The following HDAC1 variants were observed in gnomAD, a reference collection of about 807,000 sequenced individuals.
HDAC1 encodes protein deacetylase HDAC1.
Under a neutral mutation model 65.5 loss-of-function variants are expected in HDAC1, and 18 were observed. The observed-to-expected ratio is 0.27, with a 90% confidence interval of 0.19 to 0.41. The LOEUF (loss-of-function observed/expected upper bound fraction) is 0.41. HDAC1 is among the 10% of genes least tolerant of loss of function. The probability of loss-of-function intolerance (pLI) is 1.00; values close to 1 mark genes in which losing one functional copy is unlikely to be tolerated. For synonymous variants in HDAC1, 211 were observed against 227.9 expected, an observed-to-expected ratio of 0.93 and a Z score of 0.67; for missense variants, 373 against 625.2, an observed-to-expected ratio of 0.60 and a Z score of 4.30.
At chr1:32,300,571 AAAAAG>A (rs1240131610) in intron 1 of HDAC1, among the ~76,000 whole-genome samples, 1 of 152,208 alleles carries the variant, frequency 6.6e-6, no homozygotes, top group Non-Finnish European at 1.5e-5. Context: ...AAATAAAAAA[AAAAAG>A]AAAAGAAAAC....
chr1:32,308,486 G>A (rs1012391638), intron 2 of HDAC1, among the ~76,000 whole-genome samples: 3 of 152,060 alleles, frequency 2.0e-5, no homozygotes, highest in African/African-American at 4.8e-5. Context: ...TTTAATTTGT[G>A]TATGGGTTTT....
chr1:32,299,935 G>A (rs985778484), intron 1 of HDAC1, among the ~76,000 whole-genome samples: 2 of 152,162 alleles, frequency 1.3e-5, no homozygotes, highest in African/African-American at 4.8e-5. Flanking sequence ...GCAGGCATCT[G>A]TAGTCCCAGC....
In HDAC1 at chr1:32,327,659, A is replaced by C; in HGVS notation, c.618A>C (p.Pro206=). 5 of 1,614,202 alleles carry C rather than the reference A, an allele frequency of 3.1e-6. No homozygotes were observed. Among genetic ancestry groups the C allele is most frequent in the Non-Finnish European group, 4.2e-6 (5 of 1,180,012 alleles). The change falls in exon 6 of 14, where the codon CCA becomes CCC. Residue 206 remains proline (P), a synonymous_variant. Transcript: ENST00000373548. The surrounding 1 kb of genome is among the most constrained non-coding windows in gnomAD (Gnocchi z 6.0). ...TTCATAAGTATGGAGAGTACTTCCC[A>C]GGAACTGGGGACCTACGGGTGAGAA... The part of the protein sequence containing the change: ...VSFHKYGEYF[P]GTGDLRDIGA...
At chr1:32,316,809 C>T (rs757270592) in intron 3 of HDAC1, 27 bp downstream of exon 3, 1 of 1,400,580 alleles carries the variant, frequency 7.1e-7, no homozygotes, top group Non-Finnish European at 1.0e-6. Context: ...CCCTCACACT[C>T]TGAAGCCGCC....
rs751008323 is a variant in HDAC1, at chr1:32,330,148, C to T, written c.730-430C>T. ...GCTACAGAAGTGGGAGTTGTGGTCT[C>T]GGTCTCAGTAACGTTAGACTCTGCT... On this transcript the variant is annotated intron_variant, in intron 7 of 13. Coordinates refer to ENST00000373548, the MANE Select transcript of HDAC1 (RefSeq NM_004964.3). The surrounding 1 kb of genome is among the most constrained non-coding windows in gnomAD (Gnocchi z 4.2). The T allele has an allele frequency of 2.9e-4, 53 of 182,786 alleles. No homozygotes were observed. The highest frequency in any genetic ancestry group is 1.4e-3 in the Admixed American group (27 of 18,662). The allele number at this position is 182,786 out of a possible 1,614,324, so 11.3% of individuals were successfully genotyped here.
rs1396597950 is a variant in HDAC1 at position 32,297,841 on chromosome 1, G to A, written c.50-4780G>A. On this transcript the variant is annotated intron_variant, in intron 1 of 13. Coordinates refer to ENST00000373548, the MANE Select transcript of HDAC1 (RefSeq NM_004964.3). ...GTCTTGCTCTTTCACCCAGGCTGGA[G>A]CGCAGTGGCGCGATCTCGGCTCACT... is the stretch of plus-strand genomic sequence containing the variant. Among the ~76,000 whole-genome samples, 6 of 140,534 alleles carry A rather than the reference G, an allele frequency of 4.3e-5. No individual in the cohort carries two copies. The East Asian group carries it at 1.3e-3, about 29-fold the overall frequency. The allele number at this position is 140,534 out of a possible 152,430, so 92.2% of individuals were successfully genotyped here.
chr1:32,322,616 C>T (rs1641162472), intron 3 of HDAC1, among the ~76,000 whole-genome samples: 1 of 152,198 alleles, frequency 6.6e-6, no homozygotes, highest in African/African-American at 2.4e-5. Flanking sequence ...TAAAGTTCCT[C>T]TAGGTCTGTG....
At chr1:32,306,054 C>G (rs1252688912) in intron 2 of HDAC1, among the ~76,000 whole-genome samples, 1 of 152,158 alleles carries the variant, frequency 6.6e-6, no homozygotes, top group Non-Finnish European at 1.5e-5. Context: ...GACCCATATG[C>G]CAATACCACA....
intron 4 of HDAC1, among the ~76,000 whole-genome samples, chr1:32,325,831 G>A (rs1402189032): frequency 6.6e-6 from 1 of 152,134 alleles, no homozygotes; most frequent in Non-Finnish European, 1.5e-5. Context: ...TTTGAGACCA[G>A]CCTGACCAAC....
chr1:32,296,881 G>A (rs975329301), intron 1 of HDAC1, among the ~76,000 whole-genome samples: 2 of 152,174 alleles, frequency 1.3e-5, no homozygotes, highest in Admixed American at 6.5e-5. Flanking sequence ...GATGGAAACC[G>A]GAGCCCAGCT....
chr1:32,293,347 A>G (rs1047818383), intron 1 of HDAC1, among the ~76,000 whole-genome samples: 1 of 151,830 alleles, frequency 6.6e-6, no homozygotes, highest in African/African-American at 2.4e-5. Flanking sequence ...AAAGATGTAA[A>G]TAGGGACCGG....
Position 32,327,348 on chromosome 1 carries a change from C to T in HDAC1, c.495-188C>T, listed in dbSNP as rs1641233224. On this transcript the variant is annotated intron_variant, in intron 5 of 13. Coordinates refer to ENST00000373548, the MANE Select transcript of HDAC1 (RefSeq NM_004964.3). This position sits in a 1 kb window ranked among gnomAD's most constrained non-coding sequence, Gnocchi z 6.0. ...CTGGCTGTAGAGTAGGAAGATCGGA[C>T]TTGGTCGGCTTGGTCAGGCCTCTGG... is the stretch of plus-strand genomic sequence containing the variant. The T allele has an allele frequency of 1.6e-6, 1 of 630,092 alleles. No homozygotes were observed. The highest frequency in any genetic ancestry group is 2.8e-6 in the Non-Finnish European group (1 of 358,348). The allele number at this position is 630,092 out of a possible 1,614,324, so 39.0% of individuals were successfully genotyped here.
chr1:32,318,319 GCCC>G (rs1342532897), intron 3 of HDAC1, among the ~76,000 whole-genome samples: 1 of 152,234 alleles, frequency 6.6e-6, no homozygotes, highest in Non-Finnish European at 1.5e-5. Context: ...CACTTTGGGA[GCCC>G]AAGGTGGGAG....
At chr1:32,309,124 G>A (rs1053020859) in intron 2 of HDAC1, among the ~76,000 whole-genome samples, 4 of 152,140 alleles carry the variant, frequency 2.6e-5, no homozygotes, top group African/African-American at 9.7e-5. Flanking sequence ...GAGTTCATTT[G>A]TTAGGTCAAC....
intron 1 of HDAC1, among the ~76,000 whole-genome samples, chr1:32,293,168 A>G (rs1031607567): frequency 6.6e-6 from 1 of 151,670 alleles, no homozygotes; most frequent in Non-Finnish European, 1.5e-5. Context: ...TAAAAATACA[A>G]AATTAGCCGC....
intron 1 of HDAC1, among the ~76,000 whole-genome samples, chr1:32,294,077 AAAAAC>A (rs1217151130): frequency 6.6e-5 from 10 of 152,160 alleles, no homozygotes; most frequent in African/African-American, 2.4e-4. Flanking sequence ...CAAAAAAAAA[AAAAAC>A]AAAAAAATTC....
intron 3 of HDAC1, among the ~76,000 whole-genome samples, chr1:32,319,267 T>C (rs1323360539): frequency 1.3e-5 from 2 of 152,032 alleles, no homozygotes; most frequent in African/African-American, 2.4e-5. Context: ...TTAAAATAAT[T>C]AGGTCTTGGA....
In HDAC1 at chr1:32,331,430, C is replaced by CG. The variant is rs1553159047; in HGVS notation, c.980-42dup. ...TGCTTACGTGCAAATGGTTAGGGTG[C>CG]GGTGGCCAGGTCTCTTGACGGTCTT... On this transcript the variant is annotated intron_variant, in intron 9 of 13. Coordinates refer to ENST00000373548, the MANE Select transcript of HDAC1 (RefSeq NM_004964.3). This position sits in a 1 kb window ranked among gnomAD's most constrained non-coding sequence, Gnocchi z 4.2. 4 of 1,100,426 alleles carry CG rather than the reference C, an allele frequency of 3.6e-6. No individual in the cohort carries two copies. The allele number at this position is 1,100,426 out of a possible 1,614,324, so 68.2% of individuals were successfully genotyped here. A position where few individuals can be genotyped will look rare whatever the true frequency, so the allele number is the denominator to read the frequency against.
intron 2 of HDAC1, among the ~76,000 whole-genome samples, chr1:32,308,403 TATGGAAG>T (rs921709973): frequency 2.3e-4 from 35 of 152,332 alleles, no homozygotes; most frequent in Admixed American, 1.8e-3. Context: ...GTGATACCAA[TATGGAAG>T]ATGGAAGATG....
Sources: allele counts gnomAD v4.1 joint callset (sites outside exome capture counted in the v4.1 genomes callset), GRCh38; gene constraint gnomAD v4.1.1; non-coding constraint Gnocchi (gnomAD v3.1); transcripts MANE v1.5; gene names NCBI Gene and HGNC (gene_info 2026-07-23, HGNC 2026-07-21).